DDX25: variants seen among roughly 807,000 people sequenced by gnomAD.
The protein encoded by DDX25 is DEAD-box helicase 25, also known as ATP-dependent RNA helicase DDX25.
In DDX25, 70 loss-of-function variants were observed where a neutral mutation model predicts 64.6. The ratio of observed to expected loss-of-function variants is 1.08; its 90% CI spans 0.89 to 1.32. DDX25 has a LOEUF of 1.32. Among genes scored for constraint, DDX25 ranks in the 40% most tolerant of loss-of-function variants. The pLI, the probability that DDX25 is intolerant of heterozygous loss-of-function variation, is 0.00. For synonymous variants in DDX25, 211 were observed against 213.3 expected (o/e 0.99, Z 0.09); for missense variants, 587 against 604.4 (o/e 0.97, Z 0.30).
intron 10 of DDX25, chr11:125,920,953 C>CAT (rs71048756): frequency 4.1e-6 from 2 of 492,650 alleles, no homozygotes; most frequent in South Asian, 2.7e-5. Context: ...CACACACACA[C>CAT]GCCTTGTGTA....
chr11:125,905,658 T>A, intron 3 of DDX25, 61 bp downstream of exon 3: 2 of 1,464,704 alleles, frequency 1.4e-6, no homozygotes, highest in Non-Finnish European at 1.9e-6. Flanking sequence ...ATAACTTTAA[T>A]AGTGTGAGTG....
At chr11:125,918,547 T>G (rs1371051016) in intron 9 of DDX25, 81 bp from the exon 10 acceptor site, 6,087 of 762,270 alleles carry the variant, frequency 8.0e-3, no homozygotes, top group Non-Finnish European at 0.011. Context: ...ACCCCCGCCC[T>G]GCATGCATGG....
At position 125,921,306 on chromosome 11, in the gene DDX25, G is replaced by GTTTTA. The variant is rs1160742467; in HGVS notation, c.1317_1318insTTTTA (p.Lys440PhefsTer2). On this transcript the variant is annotated frameshift_variant, in exon 11 of 12. Coordinates refer to ENST00000263576, the MANE Select transcript of DDX25 (RefSeq NM_013264.5). LOFTEE classifies it high-confidence loss of function. The surrounding 1 kb of genome is among the most constrained non-coding windows in gnomAD (Gnocchi z 4.1). ...GCATAGGGCGGACGGGGCGCTTTGGGAAAAAAGGCCTTGCCTTCAACATGA... is the reference window on the plus strand; with the variant it reads ...GCATAGGGCGGACGGGGCGCTTTGGGTTTTAAAAAAAGGCCTTGCCTTCAACATGA... The GTTTTA allele has an allele frequency of 2.5e-6, 4 of 1,613,710 alleles. No homozygotes were observed. The highest frequency in any genetic ancestry group is 8.5e-7 in the Non-Finnish European group (1 of 1,179,818).
At chr11:125,920,940 ACAC>A in intron 10 of DDX25, 3 of 461,590 alleles carry the variant, frequency 6.5e-6, no homozygotes, top group Middle Eastern at 1.2e-3. Context: ...ACACACACAC[ACAC>A]ACACACACAC....
intron 1 of DDX25, chr11:125,904,849 C>T (rs1434141842): frequency 1.8e-6 from 1 of 569,204 alleles, no homozygotes; most frequent in African/African-American, 1.9e-5. Context: ...CCCAGCTAGA[C>T]CCCGAGTTTT....
chr11:125,906,014 C>A, intron 3 of DDX25, 60 bp from the exon 4 acceptor site: 2 of 1,489,608 alleles, frequency 1.3e-6, no homozygotes, highest in South Asian at 1.4e-5. Context: ...AGAGAAAGAG[C>A]AACTTATTTG....
At chr11:125,922,622 GATAC>G in intron 11 of DDX25, 194 bp from the exon 12 acceptor site, 1 of 497,432 alleles carries the variant, frequency 2.0e-6, no homozygotes, top group Non-Finnish European at 3.6e-6. Context: ...AGCGTATCTA[GATAC>G]ATACATTCCA....
rs1390488124 is a variant in DDX25, at chr11:125,926,354, G to T, written c.*3473G>T. The T allele has an allele frequency of 6.6e-6, 1 of 152,074 alleles. No homozygotes were observed. The highest frequency in any genetic ancestry group is 6.6e-5 in the Admixed American group (1 of 15,258). The allele number at this position is 152,074 out of a possible 1,614,324, so 9.4% of individuals were successfully genotyped here. A position where few individuals can be genotyped will look rare whatever the true frequency, so the allele number is the denominator to read the frequency against. ...CTCACTTCAACTCTCCACTACTTCTGGGGAATAATGATGTATTATCCAAGA... is the reference window on the plus strand; with the variant it reads ...CTCACTTCAACTCTCCACTACTTCTTGGGAATAATGATGTATTATCCAAGA... On this transcript the variant is annotated 3_prime_UTR_variant, in exon 12 of 12. Coordinates refer to ENST00000263576, the MANE Select transcript of DDX25 (RefSeq NM_013264.5).
At chr11:125,906,719 G>C (rs757749522) in intron 4 of DDX25, among the ~76,000 whole-genome samples, 31 of 150,696 alleles carry the variant, frequency 2.1e-4, no homozygotes, top group Admixed American at 3.3e-4. Context: ...CCAGCTATTC[G>C]GGAGGCTGAG....
chr11:125,925,425 A>C lies in DDX25; in HGVS notation c.*2544A>C, dbSNP rs1277973179. 1 of 456,178 alleles carries C rather than the reference A, an allele frequency of 2.2e-6. No homozygotes were observed. The highest frequency in any genetic ancestry group is 6.9e-5 in the East Asian group (1 of 14,410). 28.3% of individuals were successfully genotyped at this position (456,178 alleles called of 1,614,324 possible). Reference sequence around the variant, plus strand: ...TTAACACGAACTGGCTAGTTTGGTGAGTCAACAATCCAAAGGCTGTTTTTT... The same window carrying C: ...TTAACACGAACTGGCTAGTTTGGTGCGTCAACAATCCAAAGGCTGTTTTTT... On this transcript the variant is annotated 3_prime_UTR_variant, in exon 12 of 12. Coordinates refer to ENST00000263576, the MANE Select transcript of DDX25 (RefSeq NM_013264.5).
intron 6 of DDX25, among the ~76,000 whole-genome samples, chr11:125,909,195 G>T (rs1375970042): frequency 2.0e-5 from 3 of 152,192 alleles, no homozygotes; most frequent in Non-Finnish European, 4.4e-5. Flanking sequence ...TGCATTAAGT[G>T]CTGTGGGGAA....
chr11:125,907,410 C>A (rs191714372), intron 4 of DDX25, among the ~76,000 whole-genome samples: 4 of 152,092 alleles, frequency 2.6e-5, no homozygotes, highest in Non-Finnish European at 5.9e-5. Context: ...AGATCGAGAC[C>A]ATCCTGGCTA....
In DDX25 at chr11:125,918,695, G is replaced by A; in HGVS notation, c.1106G>A (p.Ser369Asn). Residue 369 changes from serine (S) to asparagine (N), a missense_variant, in exon 10 of 12, where the codon AGC (serine) becomes AAC (asparagine). By Grantham distance (46) the Ser-to-Asn change is conservative. Transcript: ENST00000263576. ...IQDGHQVSLL[S>N]GELTVEQRAS... ...GATGGCCACCAGGTGTCTTTGTTAA[G>A]CGGGGAGCTGACCGTGGAGCAGCGA... The A allele has an allele frequency of 6.2e-7, 1 of 1,613,960 alleles. No homozygotes were observed. Among genetic ancestry groups the A allele is most frequent in the Non-Finnish European group, 8.5e-7 (1 of 1,179,880 alleles).
chr11:125,907,481 GCC>G (rs1565463004), intron 4 of DDX25, among the ~76,000 whole-genome samples: 5 of 151,966 alleles, frequency 3.3e-5, no homozygotes, highest in African/African-American at 1.2e-4. Context: ...GGTGGCGGGC[GCC>G]TGTAGTCCTA....
At chr11:125,904,862 A>G (rs1028897992) in intron 1 of DDX25, 3 of 562,702 alleles carry the variant, frequency 5.3e-6, no homozygotes, top group Admixed American at 3.2e-5. Flanking sequence ...CGAGTTTTCT[A>G]CTCTGCCCAT....
chr11:125,905,917 A>G (rs1944877557), intron 3 of DDX25, among the ~76,000 whole-genome samples, 157 bp from the exon 4 acceptor site: 1 of 152,226 alleles, frequency 6.6e-6, no homozygotes, highest in South Asian at 2.1e-4. Flanking sequence ...TAAAGAACGA[A>G]TCCTCAGTGC....
At chr11:125,914,240 CAGCTCT>C (rs1235824570) in intron 8 of DDX25, among the ~76,000 whole-genome samples, 1 of 152,210 alleles carries the variant, frequency 6.6e-6, no homozygotes, top group African/African-American at 2.4e-5. Context: ...TTCCAACGGA[CAGCTCT>C]GTGTGCATGG....
intron 10 of DDX25, among the ~76,000 whole-genome samples, chr11:125,920,514 G>A (rs1945096702): frequency 6.6e-6 from 1 of 152,184 alleles, no homozygotes; most frequent in Non-Finnish European, 1.5e-5. Context: ...TCAGGAAATG[G>A]CCAGACCTTG....
chr11:125,904,442 GC>G, upstream of DDX25: 1 of 1,317,266 alleles, frequency 7.6e-7, no homozygotes, highest in Non-Finnish European at 9.8e-7. Context: ...AAGCCCATTG[GC>G]CAGCGGATGG....
Sources: gnomAD v4.1 joint callset for allele counts (sites outside exome capture counted in the v4.1 genomes callset) on GRCh38, gnomAD v4.1.1 for gene constraint, Gnocchi (gnomAD v3.1) non-coding constraint, MANE v1.5 for transcripts, NCBI Gene and HGNC (gene_info 2026-07-23, HGNC 2026-07-21) for gene names.